SDHC: variants seen among roughly 807,000 people sequenced by gnomAD.
The protein encoded by SDHC is succinate dehydrogenase complex subunit C.
A neutral mutation model predicts 22.6 loss-of-function variants in SDHC; 11 were observed. The ratio of observed to expected loss-of-function variants is 0.49; its 90% CI spans 0.31 to 0.81. The LOEUF is 0.81. SDHC is among the 30% of genes least tolerant of loss of function. SDHC has a pLI of 0.05. For missense variants in SDHC, 160 were observed against 212.0 expected (o/e 0.75, Z 1.52); for synonymous variants, 80 against 77.8 (o/e 1.03, Z -0.15).
chr1:161,330,184 G>A (rs942457544), intron 3 of SDHC, among the ~76,000 whole-genome samples: 1 of 152,106 alleles, frequency 6.6e-6, no homozygotes, highest in African/African-American at 2.4e-5. Context: ...CATCGCGGTG[G>A]CCCCAAAAGT....
intron 4 of SDHC, among the ~76,000 whole-genome samples, chr1:161,353,691 C>A (rs1235029401): frequency 6.6e-6 from 1 of 152,036 alleles, no homozygotes; most frequent in Non-Finnish European, 1.5e-5. Context: ...TAAAAAAAAT[C>A]ATCCACATAG....
chr1:161,356,173 G>T (rs1172756690), intron 4 of SDHC, among the ~76,000 whole-genome samples: 1 of 152,024 alleles, frequency 6.6e-6, no homozygotes, highest in Non-Finnish European at 1.5e-5. Context: ...TAAAACATAT[G>T]GCACATTTAG....
chr1:161,355,984 CAAA>C (rs60684612), intron 4 of SDHC, among the ~76,000 whole-genome samples: 52 of 88,330 alleles, frequency 5.9e-4, no homozygotes, highest in African/African-American at 1.7e-3. Flanking sequence ...GACTCTGTCT[CAAA>C]AAAAAAAAAA....
chr1:161,356,861 C>T (rs1364731457), intron 5 of SDHC, 21 bp downstream of exon 5: 4 of 1,610,480 alleles, frequency 2.5e-6, no homozygotes, highest in Non-Finnish European at 3.4e-6. Flanking sequence ...TCGGGATTTG[C>T]ACATTTTCTC....
At chr1:161,326,150 C>T (rs1558165939) in intron 2 of SDHC, among the ~76,000 whole-genome samples, 8 of 151,474 alleles carry the variant, frequency 5.3e-5, no homozygotes, top group Admixed American at 5.3e-4. Context: ...TGCAGTGAGC[C>T]GAGATCGCAC....
At chr1:161,354,609 CT>C (rs1349220411) in intron 4 of SDHC, among the ~76,000 whole-genome samples, 12 of 125,904 alleles carry the variant, frequency 9.5e-5, no homozygotes, top group South Asian at 2.5e-4. Context: ...CTGGCCTCTT[CT>C]TTTTTTCTTT....
At chr1:161,339,035 A>G (rs943809519) in intron 3 of SDHC, among the ~76,000 whole-genome samples, 2 of 151,990 alleles carry the variant, frequency 1.3e-5, no homozygotes, top group African/African-American at 4.8e-5. Flanking sequence ...TTTTTAGTAG[A>G]GATGGGGTTT....
At chr1:161,359,009 G>T (rs1222336003) in intron 5 of SDHC, among the ~76,000 whole-genome samples, 5 of 151,064 alleles carry the variant, frequency 3.3e-5, no homozygotes, top group African/African-American at 1.2e-4. Context: ...GGAGGCTGAG[G>T]CAGGAGAATC....
chr1:161,321,753 A>G (rs1312739233), intron 1 of SDHC, among the ~76,000 whole-genome samples: 1 of 152,182 alleles, frequency 6.6e-6, no homozygotes, highest in Non-Finnish European at 1.5e-5. Context: ...TTGTGCATCT[A>G]ATATCAATGG....
In SDHC at chr1:161,329,003, G is replaced by A. The variant is rs943013621; in HGVS notation, c.179+506G>A. ...GCTCACTGCATCCTCTGCCTCCCGG[G>A]TTCAAGCGATTCTCCTGCCTCAGCC... On this transcript the variant is annotated intron_variant, in intron 3 of 5. Transcript: ENST00000367975. Among the ~76,000 whole-genome samples the A allele has an allele frequency of 9.9e-5, 15 of 152,180 alleles. 1 individual carries two copies. In the East Asian group the frequency reaches 1.9e-3, roughly 20 times the overall value.
chr1:161,327,584 C>T (rs559188814), intron 2 of SDHC, among the ~76,000 whole-genome samples: 14 of 152,084 alleles, frequency 9.2e-5, no homozygotes, highest in South Asian at 4.1e-4. Flanking sequence ...TTTTTTGAGA[C>T]GGAGTCTTGC....
intron 2 of SDHC, among the ~76,000 whole-genome samples, chr1:161,326,265 T>C (rs1355638639): frequency 6.6e-6 from 1 of 151,596 alleles, no homozygotes; most frequent in Non-Finnish European, 1.5e-5. Context: ...TCAGGTTAAC[T>C]GAATTAAAGT....
intron 5 of SDHC, among the ~76,000 whole-genome samples, chr1:161,359,786 G>A (rs1352447740): frequency 6.6e-6 from 1 of 152,126 alleles, no homozygotes; most frequent in Non-Finnish European, 1.5e-5. Context: ...TTTGGCCTCT[G>A]AACTTGATAG....
chr1:161,327,654 C>T (rs1422644935), intron 2 of SDHC, among the ~76,000 whole-genome samples: 2 of 151,740 alleles, frequency 1.3e-5, no homozygotes, highest in African/African-American at 2.4e-5. Context: ...CTCTGCCTCC[C>T]GGGTTCAAGT....
At chr1:161,319,448 G>C (rs1386629395) in intron 1 of SDHC, among the ~76,000 whole-genome samples, 5 of 150,586 alleles carry the variant, frequency 3.3e-5, no homozygotes, top group South Asian at 4.2e-4. Context: ...TTTTTTTTTG[G>C]TTTTGGTTTT....
rs144770080 is a variant in SDHC, at chr1:161,328,377, C to A, written c.78-19C>A. 6.4e-7 allele frequency: 1 copy of A among 1,556,654 alleles called. No homozygotes were observed. Among genetic ancestry groups the A allele is most frequent in the Non-Finnish European group, 8.9e-7 (1 of 1,128,374 alleles). On this transcript the variant is annotated intron_variant, in intron 2 of 5. Coordinates refer to ENST00000367975, the MANE Select transcript of SDHC (RefSeq NM_003001.5). The stretch of plus-strand genomic sequence containing the variant: ...AAGTTTACTTTTAGTTATTTTCAAA[C>A]GGTCTGGTTTTATTTTAGTGCTGTT...
rs770599902 is a variant in SDHC, at chr1:161,362,382, G to A, written c.459G>A (p.Val153=). 1 of 1,613,508 alleles carries A rather than the reference G, an allele frequency of 6.2e-7. No individual in the cohort carries two copies. Among genetic ancestry groups the A allele is most frequent in the Non-Finnish European group, 8.5e-7 (1 of 1,179,792 alleles). Residue 153 remains valine, a synonymous_variant, in exon 6 of 6, where the codon GTG becomes GTA. Coordinates refer to ENST00000367975, the MANE Select transcript of SDHC (RefSeq NM_003001.5). The stretch of plus-strand genomic sequence containing the variant: ...TTCCCCAGCTATACCAGTCTGGAGT[G>A]GTTGTCCTGGTTCTTACTGTGTTGT... ...LKIPQLYQSG[V]VVLVLTVLSS...
chr1:161,333,301 T>C (rs80041327), intron 3 of SDHC, among the ~76,000 whole-genome samples: 17,837 of 152,242 alleles, frequency 0.12, 1,421 homozygotes, highest in African/African-American at 0.22. Context: ...GCTATGACCA[T>C]TTATTTGTGT....
At chr1:161,318,969 G>A (rs1176398695) in intron 1 of SDHC, among the ~76,000 whole-genome samples, 2 of 152,188 alleles carry the variant, frequency 1.3e-5, no homozygotes, top group Admixed American at 1.3e-4. Flanking sequence ...ACTTGAACCT[G>A]GGAGGCGGAG....
Sources: gnomAD v4.1 joint callset for allele counts (sites outside exome capture counted in the v4.1 genomes callset) on GRCh38, gnomAD v4.1.1 for gene constraint, MANE v1.5 for transcripts, NCBI Gene and HGNC (gene_info 2026-07-23, HGNC 2026-07-21) for gene names.